NKAIN3: variants seen among roughly 807,000 people sequenced by gnomAD.
The protein encoded by NKAIN3 is sodium/potassium-transporting ATPase subunit beta-1-interacting protein 3.
A neutral mutation model predicts 30.2 loss-of-function variants in NKAIN3; 25 were observed. The ratio of observed to expected loss-of-function variants is 0.83; its 90% confidence interval spans 0.60 to 1.16. NKAIN3 has a LOEUF of 1.16. Ranked by LOEUF, NKAIN3 falls within the 50% of genes most tolerant of loss-of-function variation. NKAIN3 has a pLI of 0.00. For missense variants in NKAIN3, 225 were observed against 254.1 expected, an observed-to-expected ratio of 0.89 and a Z score of 0.78; for synonymous variants, 91 against 89.6, an observed-to-expected ratio of 1.02 and a Z score of -0.09.
At chr8:62,827,504 T>G (rs931563313) in intron 4 of NKAIN3, among the ~76,000 whole-genome samples, 1 of 152,206 alleles carries the variant, frequency 6.6e-6, no homozygotes, top group African/African-American at 2.4e-5. Context: ...TATAGTTAAC[T>G]TGAAATTTTT....
rs561476246 is a variant in NKAIN3 at position 62,858,902 on chromosome 8, C to A, written c.472-59551C>A. On this transcript the variant is annotated intron_variant, in intron 4 of 6. Coordinates refer to ENST00000623646, the MANE Select transcript of NKAIN3 (RefSeq NM_001304533.3). ...TGCTTGGCTCCTTGGGTTCAGCCCC[C>A]TTCCTAGGGGTATGTACAGACACCG... is the stretch of plus-strand genomic sequence containing the variant. Among the ~76,000 whole-genome samples, 34 of 152,302 alleles carry A rather than the reference C, an allele frequency of 2.2e-4. 1 individual carries two copies. In the South Asian group the frequency reaches 6.6e-3, roughly 30 times the overall value.
At chr8:62,676,010 G>A (rs1167133164) in intron 3 of NKAIN3, among the ~76,000 whole-genome samples, 5 of 152,164 alleles carry the variant, frequency 3.3e-5, no homozygotes, top group Non-Finnish European at 7.4e-5. Flanking sequence ...ATAAGCAAAA[G>A]AGCAGCTTTT....
chr8:62,415,720 A>T (rs890834502), intron 1 of NKAIN3, among the ~76,000 whole-genome samples: 1 of 150,760 alleles, frequency 6.6e-6, no homozygotes, highest in Non-Finnish European at 1.5e-5. Flanking sequence ...TTGCAGGTAC[A>T]GATGATTCAT....
At chr8:62,367,477 C>T (rs1171832950) in intron 1 of NKAIN3, among the ~76,000 whole-genome samples, 1 of 152,028 alleles carries the variant, frequency 6.6e-6, no homozygotes, top group African/African-American at 2.4e-5. Flanking sequence ...ACCAAATAAA[C>T]GTGATCAATA....
intron 1 of NKAIN3, among the ~76,000 whole-genome samples, chr8:62,334,081 C>T (rs1815448576): frequency 6.6e-6 from 1 of 152,084 alleles, no homozygotes; most frequent in Non-Finnish European, 1.5e-5. Flanking sequence ...AAGATTGCTA[C>T]TCAGTATTAA....
chr8:62,424,609 C>CA lies in NKAIN3; in HGVS notation c.55-154929dup, dbSNP rs202049872. Among the ~76,000 whole-genome samples the CA allele has an allele frequency of 5.4e-3, 820 of 151,982 alleles. 14 individuals carry two copies. The highest frequency in any genetic ancestry group is 0.034 in the Admixed American group (518 of 15,228). ...AAAATTAAAACAAAAAATATTATCT[C>CA]ACACCTGTTCAGATGGCTGTTATCA... On this transcript the variant is annotated intron_variant, in intron 1 of 6. Coordinates refer to ENST00000623646, the MANE Select transcript of NKAIN3 (RefSeq NM_001304533.3).
Position 62,248,963 on chromosome 8 carries a change from G to C in NKAIN3, c.-111G>C, listed in dbSNP as rs976740689. On this transcript the variant is annotated 5_prime_UTR_variant, in exon 1 of 7. Coordinates refer to ENST00000623646, the MANE Select transcript of NKAIN3 (RefSeq NM_001304533.3). The stretch of plus-strand genomic sequence containing the variant: ...CTGGAGCCGCGAGCGGCGGCCGCGG[G>C]GCCGAGGAGCCTGGGCCGGGCCGGG... 2 of 998,432 alleles carry C rather than the reference G, an allele frequency of 2.0e-6. No homozygotes were observed. The highest frequency in any genetic ancestry group is 3.4e-5 in the African/African-American group (2 of 59,064). 61.8% of individuals were successfully genotyped at this position (998,432 alleles called of 1,614,324 possible).
intron 1 of NKAIN3, among the ~76,000 whole-genome samples, chr8:62,322,040 C>T (rs1309973731): frequency 6.6e-6 from 1 of 152,202 alleles, no homozygotes; most frequent in Admixed American, 6.5e-5. Context: ...CGACACCCCT[C>T]CCCCAGCCTC....
intron 4 of NKAIN3, among the ~76,000 whole-genome samples, chr8:62,913,898 G>A (rs1004027364): frequency 5.3e-5 from 8 of 152,278 alleles, no homozygotes; most frequent in Non-Finnish European, 1.2e-4. Context: ...TTTGGTGGGA[G>A]AGTAAATTAG....
intron 1 of NKAIN3, among the ~76,000 whole-genome samples, chr8:62,455,040 T>C (rs1286111532): frequency 2.0e-5 from 3 of 152,154 alleles, no homozygotes; most frequent in Non-Finnish European, 4.4e-5. Flanking sequence ...TTCTTCATGC[T>C]CAGGAAAATA....
At chr8:62,813,846 T>C (rs778619295) in intron 4 of NKAIN3, among the ~76,000 whole-genome samples, 1 of 152,170 alleles carries the variant, frequency 6.6e-6, no homozygotes, top group Non-Finnish European at 1.5e-5. Context: ...AGTCTAGTGG[T>C]GATGAGTTCC....
chr8:62,399,286 G>A (rs7004955), intron 1 of NKAIN3, among the ~76,000 whole-genome samples: 15,955 of 151,966 alleles, frequency 0.1, 1,185 homozygotes, highest in African/African-American at 0.2. Context: ...CGGGTAGATC[G>A]CTTGAGATCA....
intron 1 of NKAIN3, among the ~76,000 whole-genome samples, chr8:62,521,477 C>A (rs1052400551): frequency 2.6e-5 from 4 of 152,070 alleles, no homozygotes; most frequent in Non-Finnish European, 5.9e-5. Context: ...GGCAGTAAAT[C>A]CCATGTGTAT....
rs556236901 is a variant in NKAIN3, at chr8:62,889,431, G to T, written c.472-29022G>T. 1.6e-4 allele frequency among the ~76,000 whole-genome samples: 24 copies of T among 152,024 alleles called. No homozygotes were observed. In the South Asian group the frequency reaches 4.8e-3, roughly 30 times the overall value. ...CAAAACTTGTTGAACATCATAAGAG[G>T]TCCCTCAGAAGACCACCAAAATAAT... is the stretch of plus-strand genomic sequence containing the variant. On this transcript the variant is annotated intron_variant, in intron 4 of 6. Coordinates refer to ENST00000623646, the MANE Select transcript of NKAIN3 (RefSeq NM_001304533.3).
intron 1 of NKAIN3, among the ~76,000 whole-genome samples, chr8:62,505,385 C>T (rs190076517): frequency 3.0e-3 from 463 of 152,148 alleles, no homozygotes; most frequent in Non-Finnish European, 4.1e-3. Context: ...TACAACAGTT[C>T]ATTATGAAAA....
chr8:62,703,642 C>A (rs1332131802), intron 3 of NKAIN3, among the ~76,000 whole-genome samples: 1 of 152,152 alleles, frequency 6.6e-6, no homozygotes, highest in Non-Finnish European at 1.5e-5. Flanking sequence ...GCGGAAACAT[C>A]CTGGGGATTT....
At chr8:62,536,748 T>C (rs1447009444) in intron 1 of NKAIN3, among the ~76,000 whole-genome samples, 1 of 152,210 alleles carries the variant, frequency 6.6e-6, no homozygotes, top group Non-Finnish European at 1.5e-5. Context: ...TCAGATGGGT[T>C]ACTTGCCCAT....
Position 62,261,615 on chromosome 8 carries a change from C to T in NKAIN3, c.54+12488C>T, listed in dbSNP as rs149818948. On this transcript the variant is annotated intron_variant, in intron 1 of 6. Transcript: ENST00000623646. Reference sequence around the variant, plus strand: ...GTGAAATGATTGAAATACCTTTTGACACCCACATCTGGTTCTTCCAGGCTG... The same window carrying T: ...GTGAAATGATTGAAATACCTTTTGATACCCACATCTGGTTCTTCCAGGCTG... 3.5e-4 allele frequency among the ~76,000 whole-genome samples: 53 copies of T among 152,324 alleles called. No homozygotes were observed. The East Asian group carries it at 6.6e-3, about 19-fold the overall frequency.
intron 3 of NKAIN3, among the ~76,000 whole-genome samples, chr8:62,701,880 C>T (rs1814348903): frequency 6.6e-6 from 1 of 152,170 alleles, no homozygotes; most frequent in African/African-American, 2.4e-5. Flanking sequence ...AGCGCGAACT[C>T]CGGGGGCTGA....
Sources: allele counts gnomAD v4.1 joint callset (sites outside exome capture counted in the v4.1 genomes callset), GRCh38; gene constraint gnomAD v4.1.1; transcripts MANE v1.5; gene names NCBI Gene and HGNC (gene_info 2026-07-23, HGNC 2026-07-21).